The following BICC1 variants were observed in gnomAD, a reference collection of about 807,000 sequenced individuals.
BICC1 encodes BicC family RNA binding protein 1, also known as protein bicaudal C homolog 1.
BICC1 carries 43 observed loss-of-function variants against 111.0 expected under a neutral mutation model. The ratio of observed to expected loss-of-function variants is 0.39; its 90% confidence interval spans 0.30 to 0.50. The LOEUF (loss-of-function observed/expected upper bound fraction) is 0.50, where lower values mean the gene tolerates loss of function less well. Among genes scored for constraint, BICC1 ranks in the 20% least tolerant of loss-of-function variants. The pLI is 0.88. For missense variants in BICC1, 1,091 were observed against 1,203.2 expected (o/e 0.91, Z 1.38); for synonymous variants, 467 against 434.4 (o/e 1.07, Z -0.93).
At chr10:58,692,057 A>G (rs1405692686) in intron 2 of BICC1, among the ~76,000 whole-genome samples, 1 of 152,136 alleles carries the variant, frequency 6.6e-6, no homozygotes, top group Non-Finnish European at 1.5e-5. Flanking sequence ...GCTAGATTCT[A>G]AGGGTTTAAA....
In BICC1 at chr10:58,702,135, C is replaced by A; in HGVS notation, c.299C>A (p.Ser100Tyr). 1 of 1,611,870 alleles carries A rather than the reference C, an allele frequency of 6.2e-7. No individual in the cohort carries two copies. The highest frequency in any genetic ancestry group is 1.1e-5 in the South Asian group (1 of 90,864). Reference sequence around the variant, plus strand: ...TCAAAACTGAAGATCGGAGCCAAATCCAAGAAAGGTAAATTGTGAGAGGGC... The same window carrying A: ...TCAAAACTGAAGATCGGAGCCAAATACAAGAAAGGTAAATTGTGAGAGGGC... ...WPSKLKIGAK[S>Y]KKDPHIKVSG... Residue 100 changes from serine to tyrosine, a missense_variant, in exon 3 of 21, where the codon TCC becomes TAC. Ser to Tyr is a moderately radical substitution (Grantham distance 144). Coordinates refer to ENST00000373886, the MANE Select transcript of BICC1 (RefSeq NM_001080512.3).
At chr10:58,703,384 A>T (rs1840297448) in intron 3 of BICC1, among the ~76,000 whole-genome samples, 1 of 150,732 alleles carries the variant, frequency 6.6e-6, no homozygotes, top group Non-Finnish European at 1.5e-5. Flanking sequence ...CTGGTCTTGA[A>T]CTCCTGAGTT....
intron 3 of BICC1, among the ~76,000 whole-genome samples, chr10:58,746,603 G>T (rs1841843646): frequency 6.6e-6 from 1 of 152,126 alleles, no homozygotes; most frequent in Admixed American, 6.6e-5. Context: ...TGCTATGGCT[G>T]AGTTTCTATC....
intron 20 of BICC1, chr10:58,823,104 C>A: frequency 2.5e-6 from 1 of 401,164 alleles, no homozygotes; most frequent in Non-Finnish European, 3.4e-6. Context: ...AGATTTTTCT[C>A]AGAATATTTT....
chr10:58,602,229 T>C (rs141320744), intron 1 of BICC1, among the ~76,000 whole-genome samples: 1,779 of 152,292 alleles, frequency 0.012, 29 homozygotes, highest in Admixed American at 0.019. Context: ...TTCATTTTAA[T>C]TGAGATAGAA....
chr10:58,655,182 A>C (rs957876260), intron 2 of BICC1, among the ~76,000 whole-genome samples: 2 of 143,744 alleles, frequency 1.4e-5, no homozygotes, highest in Non-Finnish European at 3.1e-5. Context: ...TTTTGGTTCC[A>C]TATGAACTTT....
At chr10:58,752,771 A>G (rs1435890512) in intron 3 of BICC1, among the ~76,000 whole-genome samples, 1 of 152,184 alleles carries the variant, frequency 6.6e-6, no homozygotes, top group Non-Finnish European at 1.5e-5. Context: ...TTTACCATGC[A>G]CTTTCATTCG....
At chr10:58,827,055 G>A (rs1352629789) in intron 20 of BICC1, among the ~76,000 whole-genome samples, 1 of 152,192 alleles carries the variant, frequency 6.6e-6, no homozygotes, top group Non-Finnish European at 1.5e-5. Context: ...TTCTTTTGAT[G>A]TTGGATAATG....
intron 1 of BICC1, among the ~76,000 whole-genome samples, chr10:58,558,448 A>C (rs980447829): frequency 2.0e-5 from 3 of 152,078 alleles, no homozygotes; most frequent in African/African-American, 7.2e-5. Context: ...CCTGGCAATA[A>C]GCTGGTTCAA....
intron 2 of BICC1, among the ~76,000 whole-genome samples, chr10:58,696,329 G>C (rs1564559798): frequency 6.6e-6 from 1 of 151,782 alleles, no homozygotes; most frequent in East Asian, 1.9e-4. Flanking sequence ...AACTTTTGCA[G>C]ATGAAATATA....
At chr10:58,715,473 G>T in intron 3 of BICC1, 1 of 799,206 alleles carries the variant, frequency 1.3e-6, no homozygotes. Context: ...GAGGCGGCAA[G>T]AGGACCTGTG....
At chr10:58,685,574 A>G (rs888388534) in intron 2 of BICC1, among the ~76,000 whole-genome samples, 1 of 152,242 alleles carries the variant, frequency 6.6e-6, no homozygotes, top group African/African-American at 2.4e-5. Context: ...ATGTATATTT[A>G]GGAGAGTTAG....
chr10:58,640,355 A>T (rs1383794998), intron 2 of BICC1, among the ~76,000 whole-genome samples: 1 of 152,200 alleles, frequency 6.6e-6, no homozygotes, highest in Non-Finnish European at 1.5e-5. Flanking sequence ...TTTACCTATA[A>T]ACAGGTAGGG....
intron 1 of BICC1, among the ~76,000 whole-genome samples, chr10:58,553,302 G>T (rs1372105377): frequency 6.6e-6 from 1 of 152,152 alleles, no homozygotes; most frequent in Non-Finnish European, 1.5e-5. Context: ...CAATCACATT[G>T]GCAGTAAGTG....
intron 3 of BICC1, among the ~76,000 whole-genome samples, chr10:58,763,067 A>G (rs1842362716): frequency 1.3e-5 from 2 of 151,060 alleles, no homozygotes; most frequent in Non-Finnish European, 3.0e-5. Context: ...GAAAAAAAAC[A>G]CTGAGTTTTG....
intron 1 of BICC1, among the ~76,000 whole-genome samples, chr10:58,573,407 G>A (rs769575552): frequency 1.8e-4 from 27 of 152,234 alleles, no homozygotes; most frequent in South Asian, 1.0e-3. Flanking sequence ...AGTTCTTTGC[G>A]GTTAGATGAC....
chr10:58,734,507 C>T (rs1841410188), intron 3 of BICC1, among the ~76,000 whole-genome samples: 1 of 152,120 alleles, frequency 6.6e-6, no homozygotes, highest in South Asian at 2.1e-4. Flanking sequence ...TGAAGAGGAG[C>T]CATCATGATG....
chr10:58,771,263 T>C (rs2132723015), intron 3 of BICC1, among the ~76,000 whole-genome samples: 1 of 152,276 alleles, frequency 6.6e-6, no homozygotes, highest in South Asian at 2.1e-4. Context: ...ATGACATTTT[T>C]AATATAGAGG....
At chr10:58,595,764 A>G (rs1844792591) in intron 1 of BICC1, among the ~76,000 whole-genome samples, 1 of 152,226 alleles carries the variant, frequency 6.6e-6, no homozygotes, top group South Asian at 2.1e-4. Flanking sequence ...GAAAGCAGGA[A>G]AGAGCTAAAA....
Sources: gnomAD v4.1 joint callset for allele counts (sites outside exome capture counted in the v4.1 genomes callset) on GRCh38, gnomAD v4.1.1 for gene constraint, MANE v1.5 for transcripts, NCBI Gene and HGNC (gene_info 2026-07-23, HGNC 2026-07-21) for gene names.